The following SLC6A11 variants were observed in gnomAD, a reference collection of about 807,000 sequenced individuals.
SLC6A11 encodes sodium- and chloride-dependent GABA transporter 3.
SLC6A11 carries 25 observed loss-of-function variants against 74.8 expected under a neutral mutation model. That is an observed-to-expected ratio of 0.33 (90% CI 0.24 to 0.47). The LOEUF (loss-of-function observed/expected upper bound fraction) is 0.47, where lower values mean the gene tolerates loss of function less well. Among genes scored for constraint, SLC6A11 ranks in the 20% least tolerant of loss-of-function variants. The probability of loss-of-function intolerance (pLI) is 1.00; values close to 1 mark genes in which losing one functional copy is unlikely to be tolerated. For missense variants in SLC6A11, 574 were observed against 837.0 expected, an observed-to-expected ratio of 0.69 and a Z score of 3.88; for synonymous variants, 330 against 330.2, an observed-to-expected ratio of 1.00 and a Z score of 0.01.
At chr3:10,850,896 G>T (rs1396027180) in intron 5 of SLC6A11, among the ~76,000 whole-genome samples, 2 of 152,274 alleles carry the variant, frequency 1.3e-5, no homozygotes, top group African/African-American at 2.4e-5. Context: ...GGAGGAGGTG[G>T]CAGGAGAATG....
At chr3:10,932,042 T>C (rs1695694648) in intron 10 of SLC6A11, among the ~76,000 whole-genome samples, 1 of 129,448 alleles carries the variant, frequency 7.7e-6, no homozygotes, top group South Asian at 2.2e-4. Flanking sequence ...CCTTCCTAGC[T>C]CTTTGACACT....
chr3:10,910,932 G>A (rs944868581), intron 6 of SLC6A11, among the ~76,000 whole-genome samples: 4 of 148,186 alleles, frequency 2.7e-5, no homozygotes, highest in East Asian at 2.0e-4. Flanking sequence ...AGCAATTCTC[G>A]TGCCTCAGCC....
chr3:10,857,935 A>T, intron 5 of SLC6A11, among the ~76,000 whole-genome samples: 1 of 152,240 alleles, frequency 6.6e-6, no homozygotes, highest in South Asian at 2.1e-4. Context: ...AGAAAACATA[A>T]TGAAGTAGTC....
intron 6 of SLC6A11, among the ~76,000 whole-genome samples, chr3:10,901,091 G>A (rs1275212116): frequency 6.6e-6 from 1 of 152,156 alleles, no homozygotes; most frequent in Admixed American, 6.5e-5. Flanking sequence ...CACTCCTCAG[G>A]GGACAGCTTG....
intron 6 of SLC6A11, among the ~76,000 whole-genome samples, chr3:10,893,374 G>T (rs978407204): frequency 3.9e-5 from 6 of 152,172 alleles, no homozygotes; most frequent in Middle Eastern, 3.2e-3. Context: ...AGCTGAAAAT[G>T]AGGCTTAACA....
chr3:10,831,770 G>T (rs985691701), intron 4 of SLC6A11, among the ~76,000 whole-genome samples: 1 of 152,240 alleles, frequency 6.6e-6, no homozygotes, highest in African/African-American at 2.4e-5. Context: ...GAACCCTCCT[G>T]TTTGTGTAAC....
At chr3:10,919,033 C>T (rs543541506) in intron 8 of SLC6A11, among the ~76,000 whole-genome samples, 1 of 152,030 alleles carries the variant, frequency 6.6e-6, no homozygotes, top group Non-Finnish European at 1.5e-5. Context: ...CAAGTTAACT[C>T]TCTCCTCCTC....
chr3:10,932,942 C>T (rs1031296222), intron 10 of SLC6A11, among the ~76,000 whole-genome samples: 2 of 152,170 alleles, frequency 1.3e-5, no homozygotes, highest in Middle Eastern at 3.4e-3. Context: ...AAACCATCTG[C>T]GGTCCCAGCA....
chr3:10,919,083 G>A (rs116197145), intron 8 of SLC6A11, among the ~76,000 whole-genome samples: 174 of 152,002 alleles, frequency 1.1e-3, no homozygotes, highest in African/African-American at 4.1e-3. Context: ...TGCTTGGAGA[G>A]CACCTCTCCC....
At chr3:10,911,200 G>C (rs1695383916) in intron 6 of SLC6A11, among the ~76,000 whole-genome samples, 1 of 152,204 alleles carries the variant, frequency 6.6e-6, no homozygotes, top group Non-Finnish European at 1.5e-5. Flanking sequence ...AGGTCAGTAA[G>C]TGTTTCCTGT....
chr3:10,843,908 A>G (rs1199029243), intron 4 of SLC6A11, among the ~76,000 whole-genome samples: 2 of 152,212 alleles, frequency 1.3e-5, no homozygotes, highest in Admixed American at 1.3e-4. Context: ...GACTGGTAAT[A>G]TGATCTCCTG....
rs1468633044 is a variant in SLC6A11, at chr3:10,839,277, C to CAG, written c.624-4934_624-4933dup. On this transcript the variant is annotated intron_variant, in intron 4 of 13. Transcript: ENST00000254488. ...TTGCCACCACCTCTCCATAACTCATCAGAGCCAAACTTCCTGAAGGAGCCA... is the reference window on the plus strand; with the variant it reads ...TTGCCACCACCTCTCCATAACTCATCAGAGAGCCAAACTTCCTGAAGGAGCCA... Among the ~76,000 whole-genome samples the CAG allele has an allele frequency of 5.3e-5, 8 of 152,316 alleles. No homozygotes were observed. In the East Asian group the frequency reaches 1.5e-3, roughly 29 times the overall value.
chr3:10,845,596 G>A (rs1694493184), intron 5 of SLC6A11, among the ~76,000 whole-genome samples: 2 of 152,164 alleles, frequency 1.3e-5, no homozygotes, highest in South Asian at 4.1e-4. Flanking sequence ...ACAATGGTGG[G>A]TAGGATGAAG....
chr3:10,820,282 A>G (rs1026586133), intron 3 of SLC6A11, among the ~76,000 whole-genome samples: 1 of 152,244 alleles, frequency 6.6e-6, no homozygotes, highest in Non-Finnish European at 1.5e-5. Context: ...CTACAGGCCA[A>G]CCAGGCTTTA....
intron 5 of SLC6A11, among the ~76,000 whole-genome samples, chr3:10,869,181 C>T (rs1392678051): frequency 6.6e-6 from 1 of 152,170 alleles, no homozygotes; most frequent in Non-Finnish European, 1.5e-5. Flanking sequence ...AAATCTTAAA[C>T]TTACAAGGCA....
In SLC6A11 at chr3:10,918,497, C is replaced by T. The variant is rs1695489443; in HGVS notation, c.1120+44C>T. ...GGGATGGAAAAGGCGGCAAGGGAGG[C>T]CAGGAGTGATGGTCATCATGGAAAT... is the stretch of plus-strand genomic sequence containing the variant. On this transcript the variant is annotated intron_variant, in intron 8 of 13. Transcript: ENST00000254488. The surrounding 1 kb of genome is among the most constrained non-coding windows in gnomAD (Gnocchi z 4.5). 4 of 1,575,066 alleles carry T rather than the reference C, an allele frequency of 2.5e-6. No homozygotes were observed. Among genetic ancestry groups the T allele is most frequent in the Non-Finnish European group, 3.4e-6 (4 of 1,164,328 alleles).
At chr3:10,917,946 T>C (rs1000932495) in intron 7 of SLC6A11, among the ~76,000 whole-genome samples, 9 of 152,236 alleles carry the variant, frequency 5.9e-5, no homozygotes, top group Middle Eastern at 3.2e-3. Context: ...AGGCTTCTCC[T>C]GCCCTCCTTG....
chr3:10,933,356 G>A, intron 11 of SLC6A11, 103 bp downstream of exon 11: 2 of 789,852 alleles, frequency 2.5e-6, no homozygotes, highest in Non-Finnish European at 4.4e-6. Flanking sequence ...GCTTATCTTG[G>A]TCTATACTGG....
intron 8 of SLC6A11, among the ~76,000 whole-genome samples, chr3:10,924,390 A>G (rs1695575290): frequency 1.3e-5 from 2 of 152,182 alleles, no homozygotes; most frequent in Non-Finnish European, 2.9e-5. Flanking sequence ...ATACTGACCG[A>G]GTCAAAAATC....
Sources: allele counts gnomAD v4.1 joint callset (sites outside exome capture counted in the v4.1 genomes callset), GRCh38; gene constraint gnomAD v4.1.1; non-coding constraint Gnocchi (gnomAD v3.1); transcripts MANE v1.5; gene names NCBI Gene and HGNC (gene_info 2026-07-23, HGNC 2026-07-21).